DPF3: variants seen among roughly 807,000 people sequenced by gnomAD.
DPF3 encodes zinc finger protein DPF3.
A neutral mutation model predicts 56.8 loss-of-function variants in DPF3; 18 were observed. That is an observed-to-expected ratio of 0.32 (90% CI 0.22 to 0.47). DPF3 has a LOEUF of 0.47. Ranked by LOEUF, DPF3 falls within the 20% of genes least tolerant of loss-of-function variation. The pLI is 1.00. For missense variants in DPF3, 403 were observed against 488.8 expected, an observed-to-expected ratio of 0.82 and a Z score of 1.65; for synonymous variants, 188 against 180.2, an observed-to-expected ratio of 1.04 and a Z score of -0.35.
At position 72,876,224 on chromosome 14, in the gene DPF3, C is replaced by T. The variant is rs559033871; in HGVS notation, c.32+17833G>A. 2.0e-5 allele frequency among the ~76,000 whole-genome samples: 3 copies of T among 152,334 alleles called. No homozygotes were observed. In the South Asian group the frequency reaches 6.2e-4, roughly 32 times the overall value. On this transcript the variant is annotated intron_variant, in intron 1 of 10. Coordinates refer to ENST00000556509, the MANE Select transcript of DPF3 (RefSeq NM_001280542.3). ...TGTAGCTGACAGGATTGATGGCTCA[C>T]ACCAGTGTGGGCCCCACAGGGTGTC...
chr14:72,622,584 A>G (rs919999158), intron 9 of DPF3, among the ~76,000 whole-genome samples: 2 of 152,134 alleles, frequency 1.3e-5, no homozygotes, highest in African/African-American at 4.8e-5. Flanking sequence ...CAATTTCCCA[A>G]AGGAAAACTA....
intron 1 of DPF3, among the ~76,000 whole-genome samples, chr14:72,870,098 G>A (rs1270270271): frequency 6.6e-6 from 1 of 152,188 alleles, no homozygotes; most frequent in Non-Finnish European, 1.5e-5. Flanking sequence ...GGGGCCTGGT[G>A]TTTGGAAGAT....
chr14:72,815,886 G>A (rs1158500547), intron 1 of DPF3, among the ~76,000 whole-genome samples: 1 of 152,128 alleles, frequency 6.6e-6, no homozygotes, highest in Non-Finnish European at 1.5e-5. Flanking sequence ...CAGTTGTGTT[G>A]CATCTTCTAT....
chr14:72,817,396 C>A (rs1254685231), intron 1 of DPF3, among the ~76,000 whole-genome samples: 1 of 152,186 alleles, frequency 6.6e-6, no homozygotes, highest in Non-Finnish European at 1.5e-5. Flanking sequence ...GTGGCTCACA[C>A]CTGTAATCCC....
At chr14:72,853,469 C>CTTTTTTTT (rs11340682) in intron 1 of DPF3, 2 of 93,856 alleles carry the variant, frequency 2.1e-5, no homozygotes, top group Non-Finnish European at 4.1e-5. Context: ...AGCTTGCTGC[C>CTTTTTTTT]TTTTTTTTTT....
At chr14:72,757,450 C>T (rs1176580826) in intron 2 of DPF3, among the ~76,000 whole-genome samples, 2 of 152,080 alleles carry the variant, frequency 1.3e-5, no homozygotes, top group African/African-American at 2.4e-5. Context: ...CAACAGCAAA[C>T]AGCTACATCC....
At chr14:72,826,545 G>A (rs571068549) in intron 1 of DPF3, among the ~76,000 whole-genome samples, 5 of 152,182 alleles carry the variant, frequency 3.3e-5, no homozygotes, top group South Asian at 2.1e-4. Context: ...TCTTTTCAGC[G>A]AAAAGGAGAG....
At chr14:72,874,581 A>C (rs1290956510) in intron 1 of DPF3, among the ~76,000 whole-genome samples, 2 of 152,128 alleles carry the variant, frequency 1.3e-5, no homozygotes, top group African/African-American at 2.4e-5. Context: ...TCTCTAGGGG[A>C]GGGGGCAAAA....
chr14:72,691,454 C>T (rs1442564248), intron 7 of DPF3, among the ~76,000 whole-genome samples: 3 of 152,104 alleles, frequency 2.0e-5, no homozygotes, highest in Admixed American at 6.5e-5. Context: ...ATGGGCTGGG[C>T]GTGGTGGCTC....
intron 1 of DPF3, among the ~76,000 whole-genome samples, chr14:72,827,836 G>A (rs4243643): frequency 0.51 from 77,692 of 151,552 alleles, 20,432 homozygotes; most frequent in East Asian, 0.85. Flanking sequence ...CCTGTACTCC[G>A]AGCATCTCAG....
rs140509753 is a variant in DPF3 at position 72,614,086 on chromosome 14, C to A, written c.*5211G>T. Among the ~76,000 whole-genome samples, 118 of 152,294 alleles carry A rather than the reference C, an allele frequency of 7.7e-4. No individual in the cohort carries two copies. Among genetic ancestry groups the A allele is most frequent in the African/African-American group, 2.6e-3 (110 of 41,526 alleles). ...CACCAGCTGCCCAAAGGCCTTGAAC[C>A]AACCCATCTGTCCCATTGTTTCCAC... On this transcript the variant is annotated 3_prime_UTR_variant, in exon 11 of 11. Transcript: ENST00000556509.
chr14:72,703,963 A>G (rs955466290), intron 6 of DPF3, among the ~76,000 whole-genome samples: 1 of 152,248 alleles, frequency 6.6e-6, no homozygotes, highest in Non-Finnish European at 1.5e-5. Context: ...GAAAATATCT[A>G]TGAACCAAGC....
intron 1 of DPF3, among the ~76,000 whole-genome samples, chr14:72,810,287 AG>A (rs138319741): frequency 0.054 from 8,220 of 152,280 alleles, 316 homozygotes; most frequent in Non-Finnish European, 0.089. Flanking sequence ...GCCTGAACCC[AG>A]GCTAAATGGG....
rs114044568 is a variant in DPF3 at position 72,752,301 on chromosome 14, G to A, written c.301+963C>T. ...ATGCGTTTAAAGCTAAGGGCCTGGG[G>A]TAATCACTTGGCTTGCTGCAACACA... On this transcript the variant is annotated intron_variant, in intron 3 of 10. Transcript: ENST00000556509. 5.8e-3 allele frequency among the ~76,000 whole-genome samples: 887 copies of A among 152,286 alleles called. 9 individuals are homozygous for A. Among genetic ancestry groups the A allele is most frequent in the African/African-American group, 0.021 (853 of 41,550 alleles).
intron 8 of DPF3, among the ~76,000 whole-genome samples, chr14:72,668,705 A>G (rs1376201467): frequency 6.6e-6 from 1 of 152,210 alleles, no homozygotes; most frequent in Non-Finnish European, 1.5e-5. Flanking sequence ...CTCAAGTGTA[A>G]AGGCAAATTG....
At position 72,878,821 on chromosome 14, in the gene DPF3, C is replaced by T. The variant is rs143255327; in HGVS notation, c.32+15236G>A. 2.2e-3 allele frequency among the ~76,000 whole-genome samples: 333 copies of T among 152,366 alleles called. 1 individual carries two copies. Among genetic ancestry groups the T allele is most frequent in the African/African-American group, 7.2e-3 (301 of 41,588 alleles). ...AAACAAGAGGCTAGAATGAGCGAGGCTGCCACATGTCATAAATGCACATCC... is the reference window on the plus strand; with the variant it reads ...AAACAAGAGGCTAGAATGAGCGAGGTTGCCACATGTCATAAATGCACATCC... On this transcript the variant is annotated intron_variant, in intron 1 of 10. Transcript: ENST00000556509.
At chr14:72,668,084 C>A (rs1037459659) in intron 8 of DPF3, among the ~76,000 whole-genome samples, 2 of 152,108 alleles carry the variant, frequency 1.3e-5, no homozygotes, top group Non-Finnish European at 2.9e-5. Context: ...CAGAATAATG[C>A]CTCACACAAA....
At chr14:72,783,230 T>C (rs1892060798) in intron 1 of DPF3, among the ~76,000 whole-genome samples, 1 of 152,142 alleles carries the variant, frequency 6.6e-6, no homozygotes, top group African/African-American at 2.4e-5. Context: ...ATACTTTATT[T>C]TTTTCATAAC....
intron 2 of DPF3, among the ~76,000 whole-genome samples, chr14:72,760,526 T>A (rs1891026621): frequency 6.6e-6 from 1 of 152,202 alleles, no homozygotes; most frequent in Non-Finnish European, 1.5e-5. Flanking sequence ...CAGATTTCAG[T>A]AATTAAAATG....
Sources: allele counts gnomAD v4.1 joint callset (sites outside exome capture counted in the v4.1 genomes callset), GRCh38; gene constraint gnomAD v4.1.1; transcripts MANE v1.5; gene names NCBI Gene and HGNC (gene_info 2026-07-23, HGNC 2026-07-21).